Variants in VPS35L observed in about 807,000 individuals in gnomAD.
The protein encoded by VPS35L is VPS35 endosomal protein sorting factor like, also known as VPS35 endosomal protein-sorting factor-like.
In VPS35L, 83 loss-of-function variants were observed where a neutral mutation model predicts 133.0. The ratio of observed to expected loss-of-function variants is 0.62; its 90% CI spans 0.52 to 0.75. VPS35L has a LOEUF of 0.75. Ranked by LOEUF, VPS35L falls within the 30% of genes least tolerant of loss-of-function variation. VPS35L has a pLI of 0.00. For missense variants in VPS35L, 1,083 were observed against 1,206.8 expected, an observed-to-expected ratio of 0.90 and a Z score of 1.52; for synonymous variants, 423 against 449.9, an observed-to-expected ratio of 0.94 and a Z score of 0.76.
chr16:19,687,477 G>T (rs1348202028), intron 28 of VPS35L, among the ~76,000 whole-genome samples: 1 of 152,184 alleles, frequency 6.6e-6, no homozygotes, highest in Non-Finnish European at 1.5e-5. Context: ...AGCCAGAGCC[G>T]GCTTGGAAAT....
At chr16:19,595,017 C>A (rs1024297456) in intron 8 of VPS35L, among the ~76,000 whole-genome samples, 2 of 152,108 alleles carry the variant, frequency 1.3e-5, no homozygotes, top group Non-Finnish European at 2.9e-5. Context: ...GCATTGGGAG[C>A]ATGCCAGGCT....
In VPS35L at chr16:19,581,668, T is replaced by TCCCCCCCCC; in HGVS notation, c.639+20_639+21insCCCCCCCCC. On this transcript the variant is annotated intron_variant, in intron 7 of 30. Transcript: ENST00000417362. ...TAGTCATCCAGGTTAGCTCTAGTGA[T>TCCCCCCCCC]CCCCCACCCCCACCCAGAATTTCCT... 1 of 1,607,066 alleles carries TCCCCCCCCC rather than the reference T, an allele frequency of 6.2e-7. No homozygotes were observed. The highest frequency in any genetic ancestry group is 8.5e-7 in the Non-Finnish European group (1 of 1,177,450).
At chr16:19,658,988 C>T (rs144686283) in intron 26 of VPS35L, among the ~76,000 whole-genome samples, 3 of 152,238 alleles carry the variant, frequency 2.0e-5, no homozygotes, top group African/African-American at 7.2e-5. Context: ...TAATGAGTGG[C>T]CTTATCTGGA....
intron 21 of VPS35L, among the ~76,000 whole-genome samples, chr16:19,641,263 C>T (rs899893955): frequency 2.5e-4 from 38 of 151,962 alleles, no homozygotes; most frequent in African/African-American, 8.4e-4. Flanking sequence ...GACAGGGTTT[C>T]GCCATGGTGG....
At chr16:19,663,308 T>C (rs1329280951) in intron 26 of VPS35L, among the ~76,000 whole-genome samples, 2 of 152,114 alleles carry the variant, frequency 1.3e-5, no homozygotes, top group Non-Finnish European at 2.9e-5. Context: ...TCAATAATAA[T>C]AAATTTCAAT....
At position 19,616,717 on chromosome 16, in the gene VPS35L, T is replaced by C. The variant is rs774922601; in HGVS notation, c.1133T>C (p.Val378Ala). Residue 378 changes from valine (V) to alanine (A), a missense_variant, in exon 14 of 31, where the codon GTG becomes GCG. Val to Ala is a moderately conservative substitution (Grantham distance 64, BLOSUM62 0). Coordinates refer to ENST00000417362, the MANE Select transcript of VPS35L (RefSeq NM_020314.7). ...IHGDTVQNQLVVQGVELPSYL... is the reference protein window; with the variant it reads ...IHGDTVQNQLAVQGVELPSYL... ...GGGGATACGGTCCAGAACCAGCTGGTGGTCCAAGGAGTGGAGCTCCCATCT... is the reference window on the plus strand; with the variant it reads ...GGGGATACGGTCCAGAACCAGCTGGCGGTCCAAGGAGTGGAGCTCCCATCT... 32 of 1,613,972 alleles carry C rather than the reference T, an allele frequency of 2.0e-5. No individual in the cohort carries two copies. The South Asian group carries it at 3.4e-4, about 17-fold the overall frequency.
In VPS35L at chr16:19,633,100, G is replaced by A. The variant is rs1973509117; in HGVS notation, c.1563G>A (p.Glu521=). ...TCCTTTTTCCTGCTTAGAAACGAGA[G>A]GTGAATACCGTTTTGGCAGATGTCA... ...EYTCKHFTKR[E]VNTVLADVIK... is the part of the protein sequence containing the mutation. The change falls in exon 19 of 31, where the codon GAG becomes GAA. Residue 521 remains glutamate (E), a synonymous_variant. Transcript: ENST00000417362. This position sits in a 1 kb window ranked among gnomAD's most constrained non-coding sequence, Gnocchi z 4.1. 1 of 1,614,024 alleles carries A rather than the reference G, an allele frequency of 6.2e-7. No individual in the cohort carries two copies. Among genetic ancestry groups the A allele is most frequent in the Admixed American group, 1.7e-5 (1 of 60,000 alleles).
chr16:19,687,938 C>A (rs940787885), intron 28 of VPS35L, among the ~76,000 whole-genome samples: 3 of 151,720 alleles, frequency 2.0e-5, no homozygotes, highest in Non-Finnish European at 2.9e-5. Flanking sequence ...CATGGAGAAA[C>A]CTCATCTCTA....
intron 8 of VPS35L, among the ~76,000 whole-genome samples, chr16:19,593,317 A>G (rs1972101317): frequency 6.6e-6 from 1 of 152,220 alleles, no homozygotes; most frequent in African/African-American, 2.4e-5. Flanking sequence ...GTGGAAGATC[A>G]GAACAGAGAC....
Position 19,616,809 on chromosome 16 carries a change from G to A in VPS35L, c.1224+1G>A. On this transcript the variant is annotated splice_donor_variant, in intron 14 of 30. Transcript: ENST00000417362. LOFTEE classifies it high-confidence loss of function. Reference sequence around the variant, plus strand: ...GTGCATCTCCTACCATGCCCCCGAGGTAACTGCCAGGTGGCTTCAGTGTGA... The same window carrying A: ...GTGCATCTCCTACCATGCCCCCGAGATAACTGCCAGGTGGCTTCAGTGTGA... 6.2e-7 allele frequency: 1 copy of A among 1,614,170 alleles called. No homozygotes were observed. The highest frequency in any genetic ancestry group is 8.5e-7 in the Non-Finnish European group (1 of 1,180,036).
chr16:19,639,888 T>C lies in VPS35L; in HGVS notation c.1699-127T>C, dbSNP rs1567446289. The C allele has an allele frequency of 2.6e-6, 2 of 768,300 alleles. No homozygotes were observed. The highest frequency in any genetic ancestry group is 1.8e-5 in the African/African-American group (1 of 56,804). The allele number at this position is 768,300 out of a possible 1,614,324, so 47.6% of individuals were successfully genotyped here. A position where few individuals can be genotyped will look rare whatever the true frequency, so the allele number is the denominator to read the frequency against. On this transcript the variant is annotated intron_variant, in intron 20 of 30. Transcript: ENST00000417362. This position sits in a 1 kb window ranked among gnomAD's most constrained non-coding sequence, Gnocchi z 4.1. ...CTCCCTGATTTCAGAGGAGTCCTCATCTGACCCGACTCAGAGAGATGAACC... is the reference window on the plus strand; with the variant it reads ...CTCCCTGATTTCAGAGGAGTCCTCACCTGACCCGACTCAGAGAGATGAACC...
At chr16:19,563,688 C>T (rs1311752892) in intron 1 of VPS35L, among the ~76,000 whole-genome samples, 1 of 152,216 alleles carries the variant, frequency 6.6e-6, no homozygotes, top group African/African-American at 2.4e-5. Context: ...CCTCAAGAAA[C>T]CAATGAAAAC....
chr16:19,608,571 T>C (rs1972609661), intron 10 of VPS35L: 1 of 400,338 alleles, frequency 2.5e-6, no homozygotes. Context: ...ATTTGTGTTT[T>C]CTCTGATTCC....
At chr16:19,671,401 G>A (rs368449566) in intron 27 of VPS35L, among the ~76,000 whole-genome samples, 29 of 149,286 alleles carry the variant, frequency 1.9e-4, no homozygotes, top group East Asian at 1.2e-3. Flanking sequence ...CCCAGGAGGC[G>A]GAGGTTGCAG....
chr16:19,577,000 C>A (rs1410298542), intron 5 of VPS35L, among the ~76,000 whole-genome samples: 1 of 152,136 alleles, frequency 6.6e-6, no homozygotes, highest in African/African-American at 2.4e-5. Context: ...AGCTACCACG[C>A]CCAGCTTGTT....
intron 20 of VPS35L, among the ~76,000 whole-genome samples, chr16:19,638,382 T>C (rs554191536): frequency 9.6e-4 from 146 of 152,360 alleles, no homozygotes; most frequent in Non-Finnish European, 1.4e-3. Context: ...CACTGTAGTA[T>C]TGCCTTCTTA....
Position 19,591,837 on chromosome 16 carries a change from C to A in VPS35L, c.687C>A (p.Ser229Arg). 1 of 1,612,574 alleles carries A rather than the reference C, an allele frequency of 6.2e-7. No individual in the cohort carries two copies. Among genetic ancestry groups the A allele is most frequent in the Non-Finnish European group, 8.5e-7 (1 of 1,178,752 alleles). Residue 229 changes from serine to arginine, a missense_variant, in exon 8 of 31, where the codon AGC becomes AGA. By Grantham distance (110) the Ser-to-Arg change is moderately radical. Coordinates refer to ENST00000417362, the MANE Select transcript of VPS35L (RefSeq NM_020314.7). The part of the protein sequence containing the change: ...SDTSVIQFYP[S>R]KFVLITDILD... The stretch of plus-strand genomic sequence containing the variant: ...CCAGTGTTATTCAGTTCTACCCAAG[C>A]AAATTTGTCCTTATCACCGACATAC...
intron 26 of VPS35L, among the ~76,000 whole-genome samples, chr16:19,656,132 T>C (rs1974290054): frequency 6.6e-6 from 1 of 151,570 alleles, no homozygotes; most frequent in Admixed American, 6.6e-5. Flanking sequence ...GTTGTGGTGG[T>C]GTACTCCTGT....
Position 19,674,189 on chromosome 16 carries a change from T to TC in VPS35L, c.2361+4890_2361+4891insC, listed in dbSNP as rs1555507013. ...GGTTCAGTTTTTTTCTTTTTCTTTT[T>TC]TTTTTTTTTTTTTTTTTTTTGGAGA... is the stretch of plus-strand genomic sequence containing the variant. On this transcript the variant is annotated intron_variant, in intron 27 of 30. Coordinates refer to ENST00000417362, the MANE Select transcript of VPS35L (RefSeq NM_020314.7). 3.8e-5 allele frequency among the ~76,000 whole-genome samples: 5 copies of TC among 130,150 alleles called. No individual in the cohort carries two copies. In the East Asian group the frequency reaches 1.1e-3, roughly 29 times the overall value. The allele number at this position is 130,150 out of a possible 152,430, so 85.4% of individuals were successfully genotyped here. A position where few individuals can be genotyped will look rare whatever the true frequency, so the allele number is the denominator to read the frequency against.
Sources: gnomAD v4.1 joint callset for allele counts (sites outside exome capture counted in the v4.1 genomes callset) on GRCh38, gnomAD v4.1.1 for gene constraint, Gnocchi (gnomAD v3.1) non-coding constraint, MANE v1.5 for transcripts, NCBI Gene and HGNC (gene_info 2026-07-23, HGNC 2026-07-21) for gene names.